MAP3K6: variants seen among roughly 807,000 people sequenced by gnomAD.
MAP3K6 encodes mitogen-activated protein kinase kinase kinase 6.
Under a neutral mutation model 147.1 loss-of-function variants are expected in MAP3K6, and 105 were observed. The ratio of observed to expected loss-of-function variants is 0.71; its 90% CI spans 0.61 to 0.84. MAP3K6 has a LOEUF of 0.84. Ranked by LOEUF, MAP3K6 falls within the 40% of genes least tolerant of loss-of-function variation. The probability of loss-of-function intolerance (pLI) is 0.00; values close to 1 mark genes in which losing one functional copy is unlikely to be tolerated. For synonymous variants in MAP3K6, 695 were observed against 732.4 expected (o/e 0.95, Z 0.82); for missense variants, 1,569 against 1,715.0 (o/e 0.91, Z 1.50).
chr1:27,361,415 G>A lies in MAP3K6; in HGVS notation c.1687-20C>T, dbSNP rs369830997. On this transcript the variant is annotated intron_variant, in intron 11 of 28. Transcript: ENST00000357582. ...AATGTCCTGCAAGAAGAAATGGGGTGTGATGGGGAGTGCTGGTGACAGGAG... is the reference window on the plus strand; with the variant it reads ...AATGTCCTGCAAGAAGAAATGGGGTATGATGGGGAGTGCTGGTGACAGGAG... 4 of 1,613,154 alleles carry A rather than the reference G, an allele frequency of 2.5e-6. No homozygotes were observed. In the African/African-American group the frequency reaches 5.3e-5, roughly 22 times the overall value.
In MAP3K6 at chr1:27,357,880, G is replaced by T; in HGVS notation, c.2916-4C>A. On this transcript the variant is annotated splice_polypyrimidine_tract_variant and splice_region_variant and intron_variant, in intron 21 of 28. Transcript: ENST00000357582. ...GGCCGCAGGCTCCTCGGGCACCCTG[G>T]GCACAAGGGCGAGCTGCTGATTGAG... The T allele has an allele frequency of 6.3e-7, 1 of 1,582,872 alleles. No homozygotes were observed. Among genetic ancestry groups the T allele is most frequent in the East Asian group, 2.3e-5 (1 of 43,822 alleles).
At position 27,356,594 on chromosome 1, in the gene MAP3K6, C is replaced by G; in HGVS notation, c.3520G>C (p.Asp1174His). ...VQLSLLRAETDRLREILAGKE... is the reference protein window; with the variant it reads ...VQLSLLRAETHRLREILAGKE... ...AGCGATTCCAAGGGGCTTTACCGATCAGTCTCTGCCCTCAAGAGGCTCAGC... is the reference window on the plus strand; with the variant it reads ...AGCGATTCCAAGGGGCTTTACCGATGAGTCTCTGCCCTCAAGAGGCTCAGC... The change falls in exon 25 of 29, where the codon GAT becomes CAT. Residue 1174 changes from aspartate (D) to histidine (H), a missense_variant. Coordinates refer to ENST00000357582, the MANE Select transcript of MAP3K6 (RefSeq NM_004672.5). The G allele has an allele frequency of 6.2e-7, 1 of 1,612,504 alleles. No homozygotes were observed. Among genetic ancestry groups the G allele is most frequent in the South Asian group, 1.1e-5 (1 of 90,872 alleles).
Position 27,360,908 on chromosome 1 carries a change from C to T in MAP3K6, c.1920+13G>A, listed in dbSNP as rs1288004220. Reference sequence around the variant, plus strand: ...CCCTCGCCCTCCGCGAGCTCCCAGTCCCGCGTCCTCACCTCCAACATCTCC... The same window carrying T: ...CCCTCGCCCTCCGCGAGCTCCCAGTTCCGCGTCCTCACCTCCAACATCTCC... On this transcript the variant is annotated intron_variant, in intron 14 of 28. Transcript: ENST00000357582. This position sits in a 1 kb window ranked among gnomAD's most constrained non-coding sequence, Gnocchi z 4.5. 3.1e-6 allele frequency: 5 copies of T among 1,607,996 alleles called. No homozygotes were observed. The highest frequency in any genetic ancestry group is 4.2e-6 in the Non-Finnish European group (5 of 1,176,868).
Position 27,361,558 on chromosome 1 carries a change from T to A in MAP3K6, c.1648A>T (p.Ser550Cys). 6.2e-7 allele frequency: 1 copy of A among 1,614,176 alleles called. No homozygotes were observed. Residue 550 changes from serine to cysteine, a missense_variant, in exon 11 of 29, where the codon AGC (serine) becomes TGC (cysteine). Coordinates refer to ENST00000357582, the MANE Select transcript of MAP3K6 (RefSeq NM_004672.5). ...KLEVRGTDPV[S>C]TVTLSLLEPE... is the part of the protein sequence containing the mutation. ...TCCAGCAGGCTCAGGGTCACTGTGC[T>A]TACTGGGTCAGTACCCCGAACCTCG...
chr1:27,366,421 G>C lies in MAP3K6; in HGVS notation c.177C>G (p.Leu59=). The C allele has an allele frequency of 8.2e-7, 1 of 1,224,024 alleles. No individual in the cohort carries two copies. The highest frequency in any genetic ancestry group is 1.0e-6 in the Non-Finnish European group (1 of 982,738). The allele number at this position is 1,224,024 out of a possible 1,614,324, so 75.8% of individuals were successfully genotyped here. ...YVLTREPQPG[L]EPREGTEAEP... is the part of the protein sequence containing the mutation. ...CCGCCTCGGTTCCCTCCCGAGGCTC[G>C]AGCCCGGGCTGCGGCTCCCGGGTCA... is the stretch of plus-strand genomic sequence containing the variant. Residue 59 remains leucine, a synonymous_variant, in exon 1 of 29, where the codon CTC becomes CTG. Coordinates refer to ENST00000357582, the MANE Select transcript of MAP3K6 (RefSeq NM_004672.5). The surrounding 1 kb of genome is among the most constrained non-coding windows in gnomAD (Gnocchi z 5.5).
chr1:27,356,636 C>A lies in MAP3K6; in HGVS notation c.3478G>T (p.Ala1160Ser), dbSNP rs199627707. The A allele has an allele frequency of 2.6e-5, 42 of 1,612,204 alleles. No homozygotes were observed. Among genetic ancestry groups the A allele is most frequent in the Non-Finnish European group, 3.4e-6 (4 of 1,179,076 alleles). ...PLPVEPEQGPAPLMVQLSLLR... is the reference protein window; with the variant it reads ...PLPVEPEQGPSPLMVQLSLLR... ...AGGCTCAGCTGCACCATCAGAGGAG[C>A]GGGGCCCTGCTCGGGCTCCACCGGA... is the stretch of plus-strand genomic sequence containing the variant. Residue 1160 changes from alanine to serine, a missense_variant, in exon 25 of 29, where the codon GCT becomes TCT. Ala to Ser is a moderately conservative substitution (Grantham distance 99, BLOSUM62 1). Coordinates refer to ENST00000357582, the MANE Select transcript of MAP3K6 (RefSeq NM_004672.5).
In MAP3K6 at chr1:27,357,771, T is replaced by A. The variant is rs2015586144; in HGVS notation, c.3021A>T (p.Val1007=). 1.2e-6 allele frequency: 2 copies of A among 1,611,254 alleles called. No homozygotes were observed. Among genetic ancestry groups the A allele is most frequent in the Non-Finnish European group, 1.7e-6 (2 of 1,179,590 alleles). ...CCAGCGCTGGCAGCTCCTGCTCCAA[T>A]ACTGCGGCCAGCATGGCCCGACGCT... ...ESKRRAMLAA[V]LEQELPALAE... is the part of the protein sequence containing the mutation. Residue 1007 remains valine (V), a synonymous_variant, in exon 22 of 29, where the codon GTA becomes GTT. Transcript: ENST00000357582.
Position 27,359,664 on chromosome 1 carries a change from C to T in MAP3K6, c.2320-142G>A, listed in dbSNP as rs2015669959. On this transcript the variant is annotated intron_variant, in intron 17 of 28. Coordinates refer to ENST00000357582, the MANE Select transcript of MAP3K6 (RefSeq NM_004672.5). This position sits in a 1 kb window ranked among gnomAD's most constrained non-coding sequence, Gnocchi z 4.4. ...CCCCTTGCCATCCCACTTATATGCC[C>T]CTCTGGGAGCTGACAATTGGTTTGG... is the stretch of plus-strand genomic sequence containing the variant. 9 of 1,399,910 alleles carry T rather than the reference C, an allele frequency of 6.4e-6. No individual in the cohort carries two copies. The highest frequency in any genetic ancestry group is 2.1e-5 in the Admixed American group (1 of 48,390). 86.7% of individuals were successfully genotyped at this position (1,399,910 alleles called of 1,614,324 possible).
At position 27,366,275 on chromosome 1, in the gene MAP3K6, TC is replaced by T; in HGVS notation, c.322del (p.Asp108MetfsTer13). 1 of 1,338,004 alleles carries T rather than the reference TC, an allele frequency of 7.5e-7. No homozygotes were observed. The allele number at this position is 1,338,004 out of a possible 1,614,324, so 82.9% of individuals were successfully genotyped here. ...GCTCTCACCCGCGTTGTAGAAGGCA[TC>T]CAGAGCCGCGGTGTCGCCTAGCTCC... ...TLELGDTAAL[D>X]AFYNADVVVL... On this transcript the variant is annotated frameshift_variant, in exon 1 of 29. Coordinates refer to ENST00000357582, the MANE Select transcript of MAP3K6 (RefSeq NM_004672.5). LOFTEE classifies it high-confidence loss of function. The surrounding 1 kb of genome is among the most constrained non-coding windows in gnomAD (Gnocchi z 5.5).
At position 27,360,654 on chromosome 1, in the gene MAP3K6, C is replaced by T. The variant is rs2015714449; in HGVS notation, c.2054+51G>A. The T allele has an allele frequency of 6.4e-7, 1 of 1,573,380 alleles. No individual in the cohort carries two copies. Among genetic ancestry groups the T allele is most frequent in the East Asian group, 2.3e-5 (1 of 43,086 alleles). The stretch of plus-strand genomic sequence containing the variant: ...GAGCCGCTCCGCTCGTGGCCCGGCT[C>T]ACTCGGCCCTCGCGAGCCCTCAGCC... On this transcript the variant is annotated intron_variant, in intron 15 of 28. Transcript: ENST00000357582. The surrounding 1 kb of genome is among the most constrained non-coding windows in gnomAD (Gnocchi z 4.5).
rs2015639786 is a variant in MAP3K6, at chr1:27,358,794, C to T, written c.2498G>A (p.Trp833Ter). 6.2e-7 allele frequency: 1 copy of T among 1,613,192 alleles called. No homozygotes were observed. Reference sequence around the variant, plus strand: ...CTCAATGACAGTGCAGCCCAGTGACCAGATGTCAGCTGCTTTCCCATACCC... The same window carrying T: ...CTCAATGACAGTGCAGCCCAGTGACTAGATGTCAGCTGCTTTCCCATACCC... ...PRGYGKAADI[W>*]SLGCTVIEMA... Residue 833 changes from tryptophan to a stop codon, truncating the protein, a stop_gained, in exon 19 of 29, where the codon TGG (tryptophan) becomes TAG (stop). Coordinates refer to ENST00000357582, the MANE Select transcript of MAP3K6 (RefSeq NM_004672.5). LOFTEE classifies it high-confidence loss of function. This position sits in a 1 kb window ranked among gnomAD's most constrained non-coding sequence, Gnocchi z 6.2.
intron 22 of MAP3K6, 45 bp from the exon 23 acceptor site, chr1:27,357,621 G>C: frequency 1.3e-6 from 2 of 1,591,712 alleles, no homozygotes; most frequent in Middle Eastern, 1.7e-4. Context: ...CCAGCCAAAA[G>C]AGACGCTGCC....
intron 28 of MAP3K6, 50 bp from the exon 29 acceptor site, chr1:27,355,519 C>CT (rs766984232): frequency 1.8e-5 from 28 of 1,594,420 alleles, no homozygotes; most frequent in Admixed American, 6.7e-5. Context: ...GCCCTGGACT[C>CT]TATCTTGCAC....
Position 27,364,302 on chromosome 1 carries a change from A to G in MAP3K6, c.597T>C (p.Ala199=). 4.3e-6 allele frequency: 7 copies of G among 1,614,022 alleles called. No homozygotes were observed. The highest frequency in any genetic ancestry group is 5.9e-6 in the Non-Finnish European group (7 of 1,180,028). ...CCACTCCAGCCTGTACCAGCCCATCAGCCAGGCCCCGCAGAAGGCCTGCAT... is the reference window on the plus strand; with the variant it reads ...CCACTCCAGCCTGTACCAGCCCATCGGCCAGGCCCCGCAGAAGGCCTGCAT... The part of the protein sequence containing the change: ...CGDAGLLRGL[A]DGLVQAGVGT... The change falls in exon 4 of 29, where the codon GCT becomes GCC. Residue 199 remains alanine (A), a synonymous_variant. Transcript: ENST00000357582. The surrounding 1 kb of genome is among the most constrained non-coding windows in gnomAD (Gnocchi z 4.4).
chr1:27,359,483 T>C lies in MAP3K6; in HGVS notation c.2359A>G (p.Lys787Glu), dbSNP rs1348644258. The change falls in exon 18 of 29, where the codon AAG (lysine) becomes GAG (glutamate). Residue 787 changes from lysine to glutamate, a missense_variant. Coordinates refer to ENST00000357582, the MANE Select transcript of MAP3K6 (RefSeq NM_004672.5). This position sits in a 1 kb window ranked among gnomAD's most constrained non-coding sequence, Gnocchi z 4.4. ...TTGGAGGTGCCGAAGTCAGAAATCT[T>C]GAGCAGCCCACTGAAGGTGTTGATC... ...VLINTFSGLL[K>E]ISDFGTSKRL... 1 of 1,614,134 alleles carries C rather than the reference T, an allele frequency of 6.2e-7. No homozygotes were observed. The highest frequency in any genetic ancestry group is 8.5e-7 in the Non-Finnish European group (1 of 1,179,994).
rs1403784653 is a variant in MAP3K6 at position 27,357,392 on chromosome 1, G to A, written c.3258+8C>T. ...TGGGCAGCTCTAACTACCAGAAGGC[G>A]CCCTCACCGCATCCGGGAAGGCAAA... On this transcript the variant is annotated splice_region_variant and intron_variant, in intron 23 of 28. Transcript: ENST00000357582. 1.3e-6 allele frequency: 2 copies of A among 1,588,354 alleles called. No individual in the cohort carries two copies. The highest frequency in any genetic ancestry group is 2.7e-5 in the African/African-American group (2 of 73,982).
In MAP3K6 at chr1:27,361,015, G is replaced by A; in HGVS notation, c.1833-7C>T. 1.3e-6 allele frequency: 2 copies of A among 1,582,120 alleles called. No homozygotes were observed. The highest frequency in any genetic ancestry group is 1.7e-6 in the Non-Finnish European group (2 of 1,163,266). Reference sequence around the variant, plus strand: ...CTGGATCAGGCCGCAGAACCTGAAGGTGGGGGAGGTCAGACCCGCGGGAGG... The same window carrying A: ...CTGGATCAGGCCGCAGAACCTGAAGATGGGGGAGGTCAGACCCGCGGGAGG... On this transcript the variant is annotated splice_region_variant and splice_polypyrimidine_tract_variant and intron_variant, in intron 13 of 28. Coordinates refer to ENST00000357582, the MANE Select transcript of MAP3K6 (RefSeq NM_004672.5).
At position 27,366,427 on chromosome 1, in the gene MAP3K6, G is replaced by T. The variant is rs1271263187; in HGVS notation, c.171C>A (p.Pro57=). The change falls in exon 1 of 29, where the codon CCC becomes CCA. Residue 57 remains proline, a synonymous_variant. Coordinates refer to ENST00000357582, the MANE Select transcript of MAP3K6 (RefSeq NM_004672.5). The surrounding 1 kb of genome is among the most constrained non-coding windows in gnomAD (Gnocchi z 5.5). The stretch of plus-strand genomic sequence containing the variant: ...CGGTTCCCTCCCGAGGCTCGAGCCC[G>T]GGCTGCGGCTCCCGGGTCAGCACGT... ...VVYVLTREPQ[P]GLEPREGTEA... 3 of 1,221,536 alleles carry T rather than the reference G, an allele frequency of 2.5e-6. No homozygotes were observed. Among genetic ancestry groups the T allele is most frequent in the Non-Finnish European group, 2.0e-6 (2 of 981,220 alleles). 75.7% of individuals were successfully genotyped at this position (1,221,536 alleles called of 1,614,324 possible). A position where few individuals can be genotyped will look rare whatever the true frequency, so the allele number is the denominator to read the frequency against.
In MAP3K6 at chr1:27,355,230, G is replaced by A; in HGVS notation, c.*161C>T. 1 of 737,324 alleles carries A rather than the reference G, an allele frequency of 1.4e-6. No homozygotes were observed. Among genetic ancestry groups the A allele is most frequent in the Non-Finnish European group, 2.5e-6 (1 of 399,470 alleles). 45.7% of individuals were successfully genotyped at this position (737,324 alleles called of 1,614,324 possible). On this transcript the variant is annotated 3_prime_UTR_variant, in exon 29 of 29. Transcript: ENST00000357582. ...ACGCTTTGTCTGGTAGTGCTTGGGTGCCTGTGGTTGGTTTCTCTCACTGGA... is the reference window on the plus strand; with the variant it reads ...ACGCTTTGTCTGGTAGTGCTTGGGTACCTGTGGTTGGTTTCTCTCACTGGA...
Sources: allele counts gnomAD v4.1 joint callset, GRCh38; gene constraint gnomAD v4.1.1; non-coding constraint Gnocchi (gnomAD v3.1); transcripts MANE v1.5; gene names NCBI Gene and HGNC (gene_info 2026-07-23, HGNC 2026-07-21).